The following MAGI2 variants were observed in gnomAD, a reference collection of about 807,000 sequenced individuals.
MAGI2 encodes the protein membrane-associated guanylate kinase, WW and PDZ domain-containing protein 2.
Under a neutral mutation model 133.3 loss-of-function variants are expected in MAGI2, and 35 were observed. That is an observed-to-expected ratio of 0.26 (90% confidence interval 0.20 to 0.35). The LOEUF is 0.35. Among genes scored for constraint, MAGI2 ranks in the 10% least tolerant of loss-of-function variants. MAGI2 has a pLI of 1.00. For missense variants in MAGI2, 1,636 were observed against 1,863.4 expected (o/e 0.88, Z 2.25); for synonymous variants, 729 against 710.6 (o/e 1.03, Z -0.41).
intron 2 of MAGI2, among the ~76,000 whole-genome samples, chr7:78,781,169 G>A (rs1826362495): frequency 6.6e-6 from 1 of 151,990 alleles, no homozygotes; most frequent in Non-Finnish European, 1.5e-5. Context: ...ACGAGGTCAG[G>A]AGATCGAGAC....
intron 2 of MAGI2, among the ~76,000 whole-genome samples, chr7:78,671,889 T>C (rs1202698427): frequency 6.6e-6 from 1 of 152,192 alleles, no homozygotes; most frequent in African/African-American, 2.4e-5. Context: ...TCTATATTTC[T>C]ATGTGATGAC....
chr7:78,846,188 A>C (rs1026004564), intron 2 of MAGI2, among the ~76,000 whole-genome samples: 3 of 151,910 alleles, frequency 2.0e-5, no homozygotes, highest in African/African-American at 7.2e-5. Context: ...AGATTTCAAA[A>C]AGAAAAAAAA....
At chr7:79,031,409 T>C (rs1008735956) in intron 1 of MAGI2, among the ~76,000 whole-genome samples, 4 of 152,148 alleles carry the variant, frequency 2.6e-5, no homozygotes, top group Admixed American at 1.3e-4. Context: ...TACAAAGCAT[T>C]TTTGGAGAGA....
chr7:79,240,324 A>G (rs1420973352), intron 1 of MAGI2, among the ~76,000 whole-genome samples: 1 of 151,554 alleles, frequency 6.6e-6, no homozygotes, highest in Non-Finnish European at 1.5e-5. Context: ...TTGGAATGAA[A>G]GGAACATAGG....
intron 1 of MAGI2, among the ~76,000 whole-genome samples, chr7:79,025,797 A>G (rs1210298314): frequency 6.6e-6 from 1 of 152,218 alleles, no homozygotes; most frequent in Non-Finnish European, 1.5e-5. Context: ...CAGAGATTTC[A>G]GTGGAAAACA....
chr7:78,334,752 G>T (rs977438364), intron 9 of MAGI2, among the ~76,000 whole-genome samples: 1 of 152,138 alleles, frequency 6.6e-6, no homozygotes, highest in East Asian at 1.9e-4. Flanking sequence ...CTGACTTTTG[G>T]TTCAAGATAA....
At chr7:78,205,065 C>G (rs192104711) in intron 10 of MAGI2, among the ~76,000 whole-genome samples, 1 of 152,266 alleles carries the variant, frequency 6.6e-6, no homozygotes, top group Non-Finnish European at 1.5e-5. Context: ...TTGAAAATGA[C>G]AGAAGAAAAA....
intron 2 of MAGI2, among the ~76,000 whole-genome samples, chr7:78,645,311 G>A (rs1810751329): frequency 6.6e-6 from 1 of 151,848 alleles, no homozygotes; most frequent in Non-Finnish European, 1.5e-5. Flanking sequence ...CTTCTATAAG[G>A]CCAATATTAC....
intron 9 of MAGI2, among the ~76,000 whole-genome samples, chr7:78,269,889 A>G (rs537603743): frequency 6.6e-6 from 1 of 152,256 alleles, no homozygotes; most frequent in Admixed American, 6.5e-5. Flanking sequence ...TAGGGTTTCT[A>G]TGGTTTTAGG....
At chr7:79,371,448 A>G (rs990595796) in intron 1 of MAGI2, among the ~76,000 whole-genome samples, 1 of 152,092 alleles carries the variant, frequency 6.6e-6, no homozygotes, top group Admixed American at 6.6e-5. Flanking sequence ...TACATATATG[A>G]TAGTGGTCTT....
chr7:78,847,922 T>TTTA (rs1211266562), intron 2 of MAGI2, among the ~76,000 whole-genome samples: 1 of 152,020 alleles, frequency 6.6e-6, no homozygotes, highest in African/African-American at 2.4e-5. Context: ...ATGGTAAGTA[T>TTTA]TTAATAAGTA....
intron 1 of MAGI2, among the ~76,000 whole-genome samples, chr7:79,320,337 T>C: frequency 6.6e-6 from 1 of 152,124 alleles, no homozygotes; most frequent in Non-Finnish European, 1.5e-5. Flanking sequence ...AAGAAAGCAA[T>C]ATATTAAAAA....
intron 1 of MAGI2, among the ~76,000 whole-genome samples, chr7:79,330,522 A>G (rs1401075981): frequency 1.3e-5 from 2 of 152,004 alleles, no homozygotes; most frequent in Non-Finnish European, 2.9e-5. Flanking sequence ...ATTCCTCCTT[A>G]AAAGAGAGAG....
At chr7:78,209,216 T>C (rs113543737) in intron 10 of MAGI2, among the ~76,000 whole-genome samples, 687 of 8,242 alleles carry the variant, frequency 0.083, 32 homozygotes, top group East Asian at 0.17. Flanking sequence ...AGCAAGACTC[T>C]GTCTCAAAAA....
At chr7:78,482,561 A>G (rs1401676342) in intron 6 of MAGI2, among the ~76,000 whole-genome samples, 1 of 151,970 alleles carries the variant, frequency 6.6e-6, no homozygotes, top group East Asian at 1.9e-4. Context: ...GCCTACTGGC[A>G]TATTATACTG....
At chr7:78,457,849 A>T (rs1363362546) in intron 6 of MAGI2, among the ~76,000 whole-genome samples, 2 of 152,222 alleles carry the variant, frequency 1.3e-5, no homozygotes, top group Non-Finnish European at 1.5e-5. Context: ...TCCAAAGCCT[A>T]TGTGTGCTTT....
chr7:78,598,999 G>A (rs1804906523), intron 3 of MAGI2, among the ~76,000 whole-genome samples: 1 of 152,086 alleles, frequency 6.6e-6, no homozygotes, highest in Non-Finnish European at 1.5e-5. Context: ...TATATCTGGG[G>A]TCAAAAGATA....
chr7:79,179,959 A>G (rs1290804426), intron 1 of MAGI2, among the ~76,000 whole-genome samples: 1 of 152,100 alleles, frequency 6.6e-6, no homozygotes, highest in Non-Finnish European at 1.5e-5. Flanking sequence ...GCACAGCAAA[A>G]AGAAACAATG....
intron 9 of MAGI2, among the ~76,000 whole-genome samples, chr7:78,257,357 G>C (rs891410090): frequency 6.6e-6 from 1 of 152,146 alleles, no homozygotes; most frequent in African/African-American, 2.4e-5. Context: ...TGTTAAAATA[G>C]GATGGAGGAG....
Sources: gnomAD v4.1 joint callset for allele counts (sites outside exome capture counted in the v4.1 genomes callset) on GRCh38, gnomAD v4.1.1 for gene constraint, MANE v1.5 for transcripts, NCBI Gene and HGNC (gene_info 2026-07-23, HGNC 2026-07-21) for gene names.